Variants in PHEX observed in about 807,000 individuals in gnomAD.
The protein encoded by PHEX is phosphate-regulating neutral endopeptidase PHEX.
A neutral mutation model predicts 68.0 loss-of-function variants in PHEX; 16 were observed. The ratio of observed to expected loss-of-function variants is 0.24; its 90% CI spans 0.16 to 0.36. The LOEUF (loss-of-function observed/expected upper bound fraction) is 0.36, where lower values mean the gene tolerates loss of function less well. Among genes scored for constraint, PHEX ranks in the 10% least tolerant of loss-of-function variants. The pLI is 1.00. For missense variants in PHEX, 480 were observed against 575.5 expected (o/e 0.83, Z 1.70); for synonymous variants, 208 against 205.1 (o/e 1.01, Z -0.12).
intron 20 of PHEX, among the ~76,000 whole-genome samples, chrX:22,228,231 A>G (rs1021540288): frequency 2.7e-5 from 3 of 112,342 alleles, no homozygotes; most frequent in African/African-American, 9.7e-5. Context: ...AATCTTTATT[A>G]GCTATTATAC....
At chrX:22,201,133 G>A (rs1400045234) in intron 15 of PHEX, among the ~76,000 whole-genome samples, 1 of 111,775 alleles carries the variant, frequency 8.9e-6, no homozygotes, top group Non-Finnish European at 1.9e-5. Context: ...TTGTGAAATT[G>A]ACAGATGATG....
chrX:22,081,015 G>A (rs186178755), intron 5 of PHEX, among the ~76,000 whole-genome samples: 1 of 111,949 alleles, frequency 8.9e-6, no homozygotes, highest in Non-Finnish European at 1.9e-5. Context: ...ACCATTTGGA[G>A]AATGTTTTTC....
intron 12 of PHEX, 76 bp from the exon 13 acceptor site, chrX:22,168,236 G>A (rs749117411): frequency 1.8e-5 from 13 of 739,852 alleles, no homozygotes; most frequent in East Asian, 6.4e-5. Flanking sequence ...GATGAAGGGC[G>A]CATTTCTACA....
At chrX:22,058,100 C>T (rs1239108511) in intron 3 of PHEX, among the ~76,000 whole-genome samples, 1 of 111,301 alleles carries the variant, frequency 9.0e-6, no homozygotes, top group African/African-American at 3.3e-5. Context: ...GGCCTGGGCC[C>T]TTCTAAGACT....
At chrX:22,127,832 G>C (rs1268863291) in intron 11 of PHEX, among the ~76,000 whole-genome samples, 1 of 110,496 alleles carries the variant, frequency 9.1e-6, no homozygotes, top group African/African-American at 3.3e-5. Flanking sequence ...TTTGACAAAT[G>C]TGAGAGGGCC....
At chrX:22,066,350 A>G (rs1345467651) in intron 3 of PHEX, among the ~76,000 whole-genome samples, 2 of 112,199 alleles carry the variant, frequency 1.8e-5, no homozygotes, top group African/African-American at 6.5e-5. Flanking sequence ...TCCTTGTTAC[A>G]GAAAATACCA....
intron 12 of PHEX, among the ~76,000 whole-genome samples, chrX:22,152,328 G>T (rs190031305): frequency 1.8e-5 from 2 of 111,584 alleles, no homozygotes; most frequent in East Asian, 5.6e-4. Context: ...TTATAGTAAG[G>T]GTTTAATGGA....
At chrX:22,246,537 C>T (rs1936397644) in intron 21 of PHEX, among the ~76,000 whole-genome samples, 1 of 112,000 alleles carries the variant, frequency 8.9e-6, no homozygotes, top group Non-Finnish European at 1.9e-5. Flanking sequence ...CGGTCTCGAA[C>T]GTACTAAAAT....
chrX:22,047,037 T>C lies in PHEX; in HGVS notation c.188-13T>C, dbSNP rs371426055. On this transcript the variant is annotated splice_polypyrimidine_tract_variant and intron_variant, in intron 2 of 21. Coordinates refer to ENST00000379374, the MANE Select transcript of PHEX (RefSeq NM_000444.6). ...GTGCTTGTCATTAATCCTATGATTT[T>C]CTTTCTAAATAGCTGCTGCCATCTT... is the stretch of plus-strand genomic sequence containing the variant. 1.7e-6 allele frequency: 2 copies of C among 1,193,278 alleles called. No homozygotes were observed. Among genetic ancestry groups the C allele is most frequent in the African/African-American group, 3.5e-5 (2 of 57,095 alleles).
intron 11 of PHEX, among the ~76,000 whole-genome samples, chrX:22,129,719 C>T (rs183111489): frequency 9.0e-6 from 1 of 111,697 alleles, no homozygotes; most frequent in East Asian, 2.8e-4. Flanking sequence ...TTCGCTGGAT[C>T]CTTTCTATTG....
At chrX:22,244,445 T>C (rs1019404575) in intron 20 of PHEX, among the ~76,000 whole-genome samples, 5 of 105,078 alleles carry the variant, frequency 4.8e-5, no homozygotes, top group African/African-American at 1.4e-4. Context: ...AAAAAAAAAA[T>C]ACAAAAATTA....
At chrX:22,119,889 G>A (rs754885028) in intron 11 of PHEX, among the ~76,000 whole-genome samples, 3 of 110,708 alleles carry the variant, frequency 2.7e-5, no homozygotes, top group African/African-American at 9.9e-5. Flanking sequence ...GAGCCACCAC[G>A]CCTGGCCTTG....
intron 3 of PHEX, among the ~76,000 whole-genome samples, chrX:22,074,111 AC>A (rs1222623486): frequency 9.0e-6 from 1 of 110,922 alleles, no homozygotes; most frequent in African/African-American, 3.3e-5. Context: ...CATTTTAATA[AC>A]CTGAGTAATT....
At chrX:22,217,848 T>G (rs1935141374) in intron 16 of PHEX, among the ~76,000 whole-genome samples, 1 of 111,690 alleles carries the variant, frequency 9.0e-6, no homozygotes, top group African/African-American at 3.3e-5. Flanking sequence ...ATCCCAGACA[T>G]ACATATGGAA....
intron 14 of PHEX, among the ~76,000 whole-genome samples, chrX:22,183,652 C>T (rs113960871): frequency 0.2 from 21,472 of 109,958 alleles, 1,813 homozygotes; most frequent in Non-Finnish European, 0.26. Context: ...ACATGTAATA[C>T]GGTAGTCACA....
chrX:22,139,567 C>T (rs1932369771), intron 12 of PHEX, among the ~76,000 whole-genome samples: 2 of 110,983 alleles, frequency 1.8e-5, no homozygotes, highest in African/African-American at 6.6e-5. Flanking sequence ...CCTGAAACTC[C>T]TGGGCTCAAG....
chrX:22,102,141 T>C (rs1210784661), intron 9 of PHEX, among the ~76,000 whole-genome samples: 2 of 112,087 alleles, frequency 1.8e-5, no homozygotes, highest in Admixed American at 1.9e-4. Context: ...AGTTACCTGT[T>C]GTGCTAGCAA....
intron 20 of PHEX, among the ~76,000 whole-genome samples, chrX:22,232,306 T>C (rs1297786289): frequency 9.0e-6 from 1 of 111,136 alleles, no homozygotes; most frequent in Non-Finnish European, 1.9e-5. Flanking sequence ...CAGAGCTGAG[T>C]TCAAGTTCTG....
intron 6 of PHEX, among the ~76,000 whole-genome samples, chrX:22,091,372 C>A (rs1304975187): frequency 8.9e-6 from 1 of 111,787 alleles, no homozygotes; most frequent in Admixed American, 9.4e-5. Flanking sequence ...ATCGTCTCCC[C>A]CTATAACCTA....
Sources: gnomAD v4.1 joint callset for allele counts (sites outside exome capture counted in the v4.1 genomes callset) on GRCh38, gnomAD v4.1.1 for gene constraint, MANE v1.5 for transcripts, NCBI Gene and HGNC (gene_info 2026-07-23, HGNC 2026-07-21) for gene names.